Variants in GDAP1L1 observed in about 807,000 individuals in gnomAD.
GDAP1L1 encodes ganglioside-induced differentiation-associated protein 1-like 1.
GDAP1L1 carries 21 observed loss-of-function variants against 37.1 expected under a neutral mutation model. The observed-to-expected ratio is 0.57, with a 90% CI of 0.40 to 0.81. The LOEUF (loss-of-function observed/expected upper bound fraction) is 0.81. GDAP1L1 is among the 40% of genes least tolerant of loss of function. The probability of loss-of-function intolerance (pLI) is 0.00; values close to 1 mark genes in which losing one functional copy is unlikely to be tolerated. For missense variants in GDAP1L1, 362 were observed against 491.6 expected (o/e 0.74, Z 2.49); for synonymous variants, 193 against 209.1 (o/e 0.92, Z 0.67).
At chr20:44,248,784 G>A (rs924748133) in intron 1 of GDAP1L1, among the ~76,000 whole-genome samples, 6 of 152,192 alleles carry the variant, frequency 3.9e-5, no homozygotes, top group Admixed American at 2.0e-4. Context: ...CCAAGATGCT[G>A]CCTTTCCAAC....
chr20:44,258,625 G>A lies in GDAP1L1; in HGVS notation c.547+18G>A, dbSNP rs182365514. On this transcript the variant is annotated intron_variant, in intron 3 of 5. Coordinates refer to ENST00000342560, the MANE Select transcript of GDAP1L1 (RefSeq NM_024034.6). ...GATCCGCAGTGAGTGCCAGGGCGGC[G>A]AGACAGCCCCTCTGCTTTCCCCCTT... The A allele has an allele frequency of 3.0e-5, 47 of 1,568,470 alleles. No individual in the cohort carries two copies. In the Admixed American group the frequency reaches 5.8e-4, roughly 19 times the overall value.
intron 5 of GDAP1L1, 103 bp downstream of exon 5, chr20:44,264,662 C>T (rs1457541341): frequency 1.3e-6 from 2 of 1,513,782 alleles, no homozygotes; most frequent in Admixed American, 2.0e-5. Context: ...CAGAGGACCT[C>T]CCAGGTGGTT....
chr20:44,268,497 G>C (rs2062479269), intron 5 of GDAP1L1, among the ~76,000 whole-genome samples: 1 of 152,102 alleles, frequency 6.6e-6, no homozygotes, highest in African/African-American at 2.4e-5. Flanking sequence ...CCTCATTCTT[G>C]GTTTCATGGA....
chr20:44,264,790 G>A (rs2073735749), intron 5 of GDAP1L1: 15 of 1,167,398 alleles, frequency 1.3e-5, no homozygotes. Context: ...CTATAAAATG[G>A]GGATAATAGT....
Position 44,258,604 on chromosome 20 carries a change from C to T in GDAP1L1, c.544C>T (p.Arg182Cys), listed in dbSNP as rs779006217. Residue 182 changes from arginine (R) to cysteine (C), a missense_variant, in exon 3 of 6, where the codon CGC (arginine) becomes TGC (cysteine). Physicochemically the swap from Arg to Cys is radical, Grantham distance 180. Around this residue, in one of 2 missense-constraint regions of GDAP1L1, gnomAD observed 277 missense variants for 337.1 expected, o/e 0.82. Transcript: ENST00000342560. ...MIPKYATAEI[R>C]RHLANATTDL... ...CCCCAAGTACGCCACGGCCGAGATC[C>T]GCAGTGAGTGCCAGGGCGGCGAGAC... 3.8e-6 allele frequency: 6 copies of T among 1,598,368 alleles called. No homozygotes were observed. Among genetic ancestry groups the T allele is most frequent in the East Asian group, 2.3e-5 (1 of 44,154 alleles).
intron 1 of GDAP1L1, among the ~76,000 whole-genome samples, chr20:44,248,056 C>T (rs955416387): frequency 6.6e-6 from 1 of 152,166 alleles, no homozygotes; most frequent in East Asian, 1.9e-4. Flanking sequence ...CAGTCGTCGC[C>T]CACCCCCCAC....
At position 44,264,469 on chromosome 20, in the gene GDAP1L1, G is replaced by A; in HGVS notation, c.670G>A (p.Val224Met). ...LMAKILEHDD[V>M]SYLKKILGEL... The stretch of plus-strand genomic sequence containing the variant: ...GGCCAAGATCTTGGAGCATGATGAT[G>A]TGAGCTACCTGAAGAAGATCCTCGG... Residue 224 changes from valine to methionine, a missense_variant, in exon 5 of 6, where the codon GTG becomes ATG. Around this residue, in one of 2 missense-constraint regions of GDAP1L1, gnomAD observed 277 missense variants for 337.1 expected, o/e 0.82. Transcript: ENST00000342560. The A allele has an allele frequency of 2.0e-6, 3 of 1,520,606 alleles. No homozygotes were observed. The highest frequency in any genetic ancestry group is 2.6e-6 in the Non-Finnish European group (3 of 1,133,854). 94.2% of individuals were successfully genotyped at this position (1,520,606 alleles called of 1,614,324 possible).
Position 44,263,301 on chromosome 20 carries a change from T to C in GDAP1L1, c.619T>C (p.Tyr207His), listed in dbSNP as rs774149650. The change falls in exon 4 of 6, where the codon TAC becomes CAC. Residue 207 changes from tyrosine to histidine, a missense_variant. This residue lies in a region of GDAP1L1 where 277 missense variants were observed against 337.1 expected (regional missense o/e 0.82). Coordinates refer to ENST00000342560, the MANE Select transcript of GDAP1L1 (RefSeq NM_024034.6). ...AGAGGAGCCCCAGCTCTCCGAGCCC[T>C]ACCTTTCTAAACAAAAGAAGCTCAT... ...HEEEPQLSEP[Y>H]LSKQKKLMAK... 1 of 1,613,992 alleles carries C rather than the reference T, an allele frequency of 6.2e-7. No individual in the cohort carries two copies. The highest frequency in any genetic ancestry group is 2.2e-5 in the East Asian group (1 of 44,878).
intron 5 of GDAP1L1, among the ~76,000 whole-genome samples, chr20:44,271,121 G>A (rs1433975400): frequency 6.6e-6 from 1 of 152,042 alleles, no homozygotes; most frequent in East Asian, 1.9e-4. Flanking sequence ...AAAATTAGCT[G>A]GATGTAGTAG....
At chr20:44,269,802 G>A (rs566832099) in intron 5 of GDAP1L1, among the ~76,000 whole-genome samples, 1 of 152,218 alleles carries the variant, frequency 6.6e-6, no homozygotes, top group Non-Finnish European at 1.5e-5. Flanking sequence ...GTGGTGGCAC[G>A]TGCCTGTAAT....
chr20:44,268,007 T>C (rs186092137), intron 5 of GDAP1L1, among the ~76,000 whole-genome samples: 82 of 152,118 alleles, frequency 5.4e-4, no homozygotes, highest in Middle Eastern at 3.4e-3. Flanking sequence ...CCCAGGGAAG[T>C]GGTTATGGAT....
chr20:44,255,541 CAAAAAAAAAAAAAAAAAA>C (rs60318296), intron 1 of GDAP1L1, among the ~76,000 whole-genome samples: 11,299 of 46,266 alleles, frequency 0.24, 1,155 homozygotes, highest in East Asian at 0.53. Context: ...GACTCTGTCT[CAAAAAAAAAAAAAAAAAA>C]AAAAAAAAAA....
intron 5 of GDAP1L1, chr20:44,265,427 A>C: frequency 1.0e-6 from 1 of 985,454 alleles, no homozygotes; most frequent in Non-Finnish European, 1.2e-6. Context: ...TCTCCTGAAC[A>C]ATGCAAATTT....
intron 5 of GDAP1L1, among the ~76,000 whole-genome samples, chr20:44,270,698 T>C (rs1020884264): frequency 2.0e-5 from 3 of 152,204 alleles, no homozygotes; most frequent in African/African-American, 7.2e-5. Context: ...CTGCTGGCTG[T>C]CGGCAGGAGA....
At chr20:44,275,328 A>T (rs1010929746) in intron 5 of GDAP1L1, among the ~76,000 whole-genome samples, 3 of 152,164 alleles carry the variant, frequency 2.0e-5, no homozygotes, top group African/African-American at 7.2e-5. Context: ...CATGCCCAGC[A>T]CATACTGCCA....
At chr20:44,272,445 C>T (rs1303853288) in intron 5 of GDAP1L1, among the ~76,000 whole-genome samples, 1 of 152,108 alleles carries the variant, frequency 6.6e-6, no homozygotes, top group Non-Finnish European at 1.5e-5. Flanking sequence ...TGAAAAGATG[C>T]AATTGTCTCC....
chr20:44,278,443 C>T (rs554201824), intron 5 of GDAP1L1, among the ~76,000 whole-genome samples: 1 of 152,254 alleles, frequency 6.6e-6, no homozygotes, highest in African/African-American at 2.4e-5. Flanking sequence ...TGCAGTGGCA[C>T]TGTCTTGGCT....
At position 44,250,345 on chromosome 20, in the gene GDAP1L1, T is replaced by C. The variant is rs142705630; in HGVS notation, c.180+2831T>C. ...CATGCCCCAGTTATATCCACACCTGTAAATTGAGAATATTAATGGTGCCTC... is the reference window on the plus strand; with the variant it reads ...CATGCCCCAGTTATATCCACACCTGCAAATTGAGAATATTAATGGTGCCTC... On this transcript the variant is annotated intron_variant, in intron 1 of 5. Transcript: ENST00000342560. Among the ~76,000 whole-genome samples the C allele has an allele frequency of 5.0e-3, 755 of 152,318 alleles. 4 individuals carry two copies. Among genetic ancestry groups the C allele is most frequent in the African/African-American group, 0.017 (705 of 41,576 alleles).
intron 1 of GDAP1L1, among the ~76,000 whole-genome samples, chr20:44,249,572 GC>G (rs1356676729): frequency 6.6e-6 from 1 of 152,228 alleles, no homozygotes; most frequent in Non-Finnish European, 1.5e-5. Context: ...CAGGGAGGTG[GC>G]ATCTCCCACA....
Sources: allele counts gnomAD v4.1 joint callset (sites outside exome capture counted in the v4.1 genomes callset), GRCh38; gene constraint gnomAD v4.1.1; regional missense constraint gnomAD v4.1.1; transcripts MANE v1.5; gene names NCBI Gene and HGNC (gene_info 2026-07-23, HGNC 2026-07-21).